The following LRBA variants were observed in gnomAD, a reference collection of about 807,000 sequenced individuals.
LRBA encodes LPS responsive beige-like anchor protein, also known as lipopolysaccharide-responsive and beige-like anchor protein.
Under a neutral mutation model 330.0 loss-of-function variants are expected in LRBA, and 176 were observed. That is an observed-to-expected ratio of 0.53 (90% CI 0.47 to 0.60). The LOEUF (loss-of-function observed/expected upper bound fraction) is 0.60. Ranked by LOEUF, LRBA falls within the 20% of genes least tolerant of loss-of-function variation. The pLI, the probability that LRBA is intolerant of heterozygous loss-of-function variation, is 0.00. For synonymous variants in LRBA, 1,230 were observed against 1,193.0 expected (o/e 1.03, Z -0.64); for missense variants, 3,259 against 3,444.8 (o/e 0.95, Z 1.35).
At chr4:150,486,915 C>A (rs1055964332) in intron 42 of LRBA, among the ~76,000 whole-genome samples, 1 of 151,808 alleles carries the variant, frequency 6.6e-6, no homozygotes, top group Non-Finnish European at 1.5e-5. Flanking sequence ...TTTCTTATTT[C>A]ACTTAACAGA....
chr4:150,285,294 T>A (rs112427243), intron 54 of LRBA, among the ~76,000 whole-genome samples: 2 of 152,202 alleles, frequency 1.3e-5, no homozygotes, highest in African/African-American at 2.4e-5. Flanking sequence ...ATGGGATAAG[T>A]AAGCAACGAA....
chr4:150,559,899 ATATAAT>A (rs1768053426), intron 40 of LRBA, among the ~76,000 whole-genome samples: 1 of 47,552 alleles, frequency 2.1e-5, no homozygotes, highest in Non-Finnish European at 3.9e-5. Flanking sequence ...ATATAATTAT[ATATAAT>A]TATATATAAT....
At chr4:150,777,314 C>T (rs1006473052) in intron 34 of LRBA, among the ~76,000 whole-genome samples, 5 of 151,866 alleles carry the variant, frequency 3.3e-5, no homozygotes, top group African/African-American at 1.2e-4. Flanking sequence ...CATTTCTACT[C>T]GTAGTAATAC....
intron 47 of LRBA, among the ~76,000 whole-genome samples, chr4:150,388,161 C>G (rs1743359126): frequency 6.6e-6 from 1 of 152,242 alleles, no homozygotes; most frequent in South Asian, 2.1e-4. Context: ...AGAGAGTGAT[C>G]TCTGGTAACC....
chr4:150,431,635 G>A (rs1750390140), intron 46 of LRBA, among the ~76,000 whole-genome samples: 1 of 152,064 alleles, frequency 6.6e-6, no homozygotes, highest in Non-Finnish European at 1.5e-5. Context: ...ATACGGTTAA[G>A]ATAAATTATT....
Position 150,315,609 on chromosome 4 carries a change from C to T in LRBA, c.7645G>A (p.Val2549Ile). The T allele has an allele frequency of 6.3e-7, 1 of 1,597,606 alleles. No individual in the cohort carries two copies. The highest frequency in any genetic ancestry group is 2.2e-5 in the East Asian group (1 of 44,536). Residue 2549 changes from valine to isoleucine, a missense_variant, in exon 51 of 57, where the codon GTA becomes ATA. Val to Ile is a conservative substitution (Grantham distance 29). Transcript: ENST00000651943. ...WHNLPAHQGA[V>I]QDQPYQLPVE... ...GGCAGCTGGTATGGCTGGTCTTGTA[C>T]AGCACCTTGATGAGCTGGAATTCAC... is the stretch of plus-strand genomic sequence containing the variant.
At chr4:150,799,870 G>C (rs189603218) in intron 33 of LRBA, among the ~76,000 whole-genome samples, 1 of 152,030 alleles carries the variant, frequency 6.6e-6, no homozygotes, top group Admixed American at 6.6e-5. Flanking sequence ...TCAGCCACCC[G>C]AGTAGCTGGA....
At chr4:150,477,930 T>C (rs1385314349) in intron 42 of LRBA, among the ~76,000 whole-genome samples, 1 of 152,012 alleles carries the variant, frequency 6.6e-6, no homozygotes, top group African/African-American at 2.4e-5. Context: ...CCGTTTCAGG[T>C]ATTTCTTTAT....
At chr4:150,577,732 A>T (rs953407077) in intron 40 of LRBA, among the ~76,000 whole-genome samples, 1 of 152,184 alleles carries the variant, frequency 6.6e-6, no homozygotes. Context: ...ATAATAAAAT[A>T]ATAGATACCT....
rs140170198 is a variant in LRBA at position 150,987,684 on chromosome 4, C to T, written c.216+26743G>A. On this transcript the variant is annotated intron_variant, in intron 2 of 56. Coordinates refer to ENST00000651943, the MANE Select transcript of LRBA (RefSeq NM_001364905.1). ...TCGCACCACTGCACTCCAGCCTGGG[C>T]GACAGAGTGAGTCTCTGTATCCAAA... Among the ~76,000 whole-genome samples the T allele has an allele frequency of 4.7e-5, 7 of 150,156 alleles. No individual in the cohort carries two copies. The East Asian group carries it at 1.4e-3, about 30-fold the overall frequency.
chr4:150,510,784 T>C (rs1196358720), intron 40 of LRBA, among the ~76,000 whole-genome samples: 1 of 152,152 alleles, frequency 6.6e-6, no homozygotes, highest in African/African-American at 2.4e-5. Flanking sequence ...CTATATCCAA[T>C]CACCTATAAA....
At chr4:150,645,986 A>G (rs1268683965) in intron 37 of LRBA, among the ~76,000 whole-genome samples, 2 of 151,540 alleles carry the variant, frequency 1.3e-5, no homozygotes, top group African/African-American at 4.8e-5. Flanking sequence ...ATAAAAATAT[A>G]TTAAAATTTG....
intron 37 of LRBA, among the ~76,000 whole-genome samples, chr4:150,637,985 A>T (rs1268330859): frequency 6.6e-6 from 1 of 152,190 alleles, no homozygotes; most frequent in Non-Finnish European, 1.5e-5. Context: ...CTATTAAAAA[A>T]ATTCTGAAAC....
intron 51 of LRBA, 29 bp downstream of exon 51, chr4:150,315,532 A>T (rs1561002326): frequency 6.3e-7 from 1 of 1,588,716 alleles, no homozygotes; most frequent in Middle Eastern, 1.7e-4. Flanking sequence ...GAGCTTAATG[A>T]ATCGCAAAGA....
At chr4:150,818,409 T>A (rs1408424656) in intron 30 of LRBA, among the ~76,000 whole-genome samples, 3 of 152,006 alleles carry the variant, frequency 2.0e-5, no homozygotes, top group Non-Finnish European at 4.4e-5. Context: ...CAATGTTAAC[T>A]ATACACTAAA....
At chr4:150,782,069 G>A (rs1738320748) in intron 34 of LRBA, among the ~76,000 whole-genome samples, 1 of 152,044 alleles carries the variant, frequency 6.6e-6, no homozygotes, top group Non-Finnish European at 1.5e-5. Flanking sequence ...ATCGTGCCCA[G>A]CTAATTTTTG....
intron 36 of LRBA, among the ~76,000 whole-genome samples, chr4:150,704,052 AT>A (rs1278643606): frequency 6.6e-6 from 1 of 151,828 alleles, no homozygotes; most frequent in Non-Finnish European, 1.5e-5. Flanking sequence ...ACAAAAAAAA[AT>A]TTTTTTAATG....
chr4:150,528,304 C>T (rs893495368), intron 40 of LRBA, among the ~76,000 whole-genome samples: 11 of 152,062 alleles, frequency 7.2e-5, no homozygotes, highest in African/African-American at 2.7e-4. Flanking sequence ...TCGAGACCAT[C>T]CTGGCAAACA....
At chr4:150,787,449 G>A (rs1204650173) in intron 34 of LRBA, among the ~76,000 whole-genome samples, 3 of 152,016 alleles carry the variant, frequency 2.0e-5, no homozygotes, top group South Asian at 4.1e-4. Flanking sequence ...GATATGATAC[G>A]TTTAATTTTG....
Sources: allele counts gnomAD v4.1 joint callset (sites outside exome capture counted in the v4.1 genomes callset), GRCh38; gene constraint gnomAD v4.1.1; transcripts MANE v1.5; gene names NCBI Gene and HGNC (gene_info 2026-07-23, HGNC 2026-07-21).